Variants in ABCA9 observed in about 807,000 individuals in gnomAD.
ABCA9 encodes ATP-binding cassette sub-family A member 9.
A neutral mutation model predicts 205.3 loss-of-function variants in ABCA9; 183 were observed. The observed-to-expected ratio is 0.89, with a 90% CI of 0.79 to 1.01. The LOEUF (loss-of-function observed/expected upper bound fraction) is 1.01, where lower values mean the gene tolerates loss of function less well. ABCA9 is among the 50% of genes least tolerant of loss of function. The probability of loss-of-function intolerance (pLI) is 0.00; values close to 1 mark genes in which losing one functional copy is unlikely to be tolerated. For missense variants in ABCA9, 1,805 were observed against 1,912.4 expected (o/e 0.94, Z 1.05); for synonymous variants, 651 against 683.3 (o/e 0.95, Z 0.74).
At chr17:69,008,012 T>C (rs200619420) in intron 24 of ABCA9, 50 bp downstream of exon 24, 26 of 1,529,114 alleles carry the variant, frequency 1.7e-5, no homozygotes, top group Non-Finnish European at 2.2e-5. Flanking sequence ...TATTACTGCA[T>C]TCATGAAAAA....
chr17:68,987,777 T>TA (rs2069291845), intron 31 of ABCA9, among the ~76,000 whole-genome samples: 1 of 148,308 alleles, frequency 6.7e-6, no homozygotes, highest in Non-Finnish European at 1.5e-5. Flanking sequence ...TTTTTTTGTT[T>TA]GAGATGGAGT....
chr17:68,987,754 GTTTGTTTGTTTGTTTT>G (rs1258414819), intron 31 of ABCA9, among the ~76,000 whole-genome samples: 1 of 85,338 alleles, frequency 1.2e-5, no homozygotes, highest in Non-Finnish European at 3.3e-5. Flanking sequence ...TTGTTTGTTT[GTTTGTTTGTTTGTTTT>G]TTTGTTTGAG....
chr17:69,034,850 C>A (rs1459738165), intron 8 of ABCA9: 1 of 153,252 alleles, frequency 6.5e-6, no homozygotes, highest in Admixed American at 6.5e-5. Flanking sequence ...GATATCATAA[C>A]TAAAATTAAC....
At chr17:68,982,692 C>T in intron 36 of ABCA9, 51 bp from the exon 37 acceptor site, 1 of 1,419,006 alleles carries the variant, frequency 7.0e-7, no homozygotes, top group South Asian at 1.1e-5. Flanking sequence ...GGTTGAAACC[C>T]CGATGGGTAC....
In ABCA9 at chr17:69,027,395, G is replaced by C. The variant is rs751794246; in HGVS notation, c.1846C>G (p.Gln616Glu). ...CTATTTTGTCCACCACTTAAGTTTT[G>C]AGCAAGGATGTCTTGAATATTTTCC... ...EMENIQDILAQNLSGGQNRKL... is the reference protein window; with the variant it reads ...EMENIQDILAENLSGGQNRKL... Residue 616 changes from glutamine to glutamate, a missense_variant, in exon 14 of 39, where the codon CAA becomes GAA. Coordinates refer to ENST00000340001, the MANE Select transcript of ABCA9 (RefSeq NM_080283.4). The C allele has an allele frequency of 6.2e-6, 10 of 1,612,958 alleles. No homozygotes were observed. Among genetic ancestry groups the C allele is most frequent in the Non-Finnish European group, 8.5e-6 (10 of 1,179,516 alleles).
intron 25 of ABCA9, 70 bp downstream of exon 25, chr17:69,007,689 G>T: frequency 9.7e-7 from 1 of 1,026,512 alleles, no homozygotes; most frequent in Non-Finnish European, 1.5e-6. Flanking sequence ...ACTCTGCTTA[G>T]CACAAAGATT....
At chr17:68,978,333 C>A (rs1414550703) in intron 37 of ABCA9, among the ~76,000 whole-genome samples, 1 of 152,104 alleles carries the variant, frequency 6.6e-6, no homozygotes, top group African/African-American at 2.4e-5. Context: ...AGATCTTCCT[C>A]CATCCCTTTA....
chr17:68,986,134 C>A (rs935274413), intron 32 of ABCA9, 30 bp downstream of exon 32: 10 of 1,572,654 alleles, frequency 6.4e-6, no homozygotes, highest in Non-Finnish European at 8.6e-6. Context: ...TCCCCTCCAG[C>A]AAAGGGGAGT....
intron 10 of ABCA9, among the ~76,000 whole-genome samples, chr17:69,031,468 G>C (rs989108023): frequency 1.1e-4 from 16 of 152,354 alleles, no homozygotes; most frequent in African/African-American, 3.8e-4. Flanking sequence ...TTACTGAGGA[G>C]TGAGATGAAT....
chr17:69,025,013 T>TA (rs2070934535), intron 16 of ABCA9, among the ~76,000 whole-genome samples: 3 of 152,000 alleles, frequency 2.0e-5, no homozygotes. Flanking sequence ...GATACAAACC[T>TA]AAAAAATCAG....
rs571626465 is a variant in ABCA9 at position 69,009,779 on chromosome 17, C to T, written c.3148-1544G>A. On this transcript the variant is annotated intron_variant, in intron 23 of 38. Coordinates refer to ENST00000340001, the MANE Select transcript of ABCA9 (RefSeq NM_080283.4). ...TGGAGGAAAACTTTCTAGAAAGATT[C>T]CATAAATATTTCAGAAGTATATTCC... 7.2e-5 allele frequency among the ~76,000 whole-genome samples: 11 copies of T among 152,132 alleles called. No homozygotes were observed. The South Asian group carries it at 2.1e-3, about 29-fold the overall frequency.
chr17:69,009,238 G>A (rs1259894607), intron 23 of ABCA9, among the ~76,000 whole-genome samples: 1 of 152,134 alleles, frequency 6.6e-6, no homozygotes, highest in Non-Finnish European at 1.5e-5. Flanking sequence ...AAGAATTCAG[G>A]GTTGTATTAC....
Position 69,003,002 on chromosome 17 carries a change from T to C in ABCA9, c.3435+4757A>G, listed in dbSNP as rs529164812. On this transcript the variant is annotated intron_variant, in intron 25 of 38. Coordinates refer to ENST00000340001, the MANE Select transcript of ABCA9 (RefSeq NM_080283.4). Reference sequence around the variant, plus strand: ...TTCCTCCATCCTTTTATTTTGAGCCTATGTGGGTCTCTGCATGTGAGATAG... The same window carrying C: ...TTCCTCCATCCTTTTATTTTGAGCCCATGTGGGTCTCTGCATGTGAGATAG... Among the ~76,000 whole-genome samples, 356 of 147,400 alleles carry C rather than the reference T, an allele frequency of 2.4e-3. 7 individuals are homozygous for C. The highest frequency in any genetic ancestry group is 5.8e-4 in the Non-Finnish European group (39 of 67,390).
intron 6 of ABCA9, among the ~76,000 whole-genome samples, chr17:69,037,107 A>G (rs2071369459): frequency 6.6e-6 from 1 of 152,066 alleles, no homozygotes; most frequent in African/African-American, 2.4e-5. Flanking sequence ...CTCTGACACA[A>G]TAATAATGGG....
chr17:69,062,295 T>C (rs564288512), upstream of ABCA9, among the ~76,000 whole-genome samples: 1 of 152,216 alleles, frequency 6.6e-6, no homozygotes, highest in South Asian at 2.1e-4. Flanking sequence ...TAGGAAATTT[T>C]TTTTCAGTAA....
At chr17:69,035,220 A>G (rs745503506) in intron 8 of ABCA9, 26 bp downstream of exon 8, 3 of 1,485,208 alleles carry the variant, frequency 2.0e-6, no homozygotes, top group Non-Finnish European at 2.7e-6. Flanking sequence ...GTTTGTAAAA[A>G]GTGAAAGTGT....
intron 2 of ABCA9, 108 bp downstream of exon 2, chr17:69,050,923 G>A: frequency 2.2e-6 from 2 of 910,804 alleles, no homozygotes; most frequent in Non-Finnish European, 3.1e-6. Context: ...TTGTTAATTA[G>A]ACTACACATA....
upstream of ABCA9, among the ~76,000 whole-genome samples, chr17:69,065,607 T>G (rs2072338893): frequency 6.6e-6 from 1 of 152,208 alleles, no homozygotes. Flanking sequence ...TACCTCTCTT[T>G]GCTCTCCTGT....
Position 69,027,680 on chromosome 17 carries a change from G to T in ABCA9, c.1751C>A (p.Ala584Asp). The change falls in exon 13 of 39, where the codon GCT becomes GAT. Residue 584 changes from alanine (A) to aspartate (D), a missense_variant. Physicochemically the swap from Ala to Asp is moderately radical, Grantham distance 126 (BLOSUM62 -2). Transcript: ENST00000340001. ...ATGTGGCAAAATCCCTTTTATTTTA[G>T]CAAACAGCCTGAGGTTTTCTTTCAC... ...LTVKENLRLF[A>D]KIKGILPHEV... 3.1e-6 allele frequency: 5 copies of T among 1,613,290 alleles called. No homozygotes were observed. Among genetic ancestry groups the T allele is most frequent in the Non-Finnish European group, 4.2e-6 (5 of 1,179,824 alleles).
Sources: gnomAD v4.1 joint callset for allele counts (sites outside exome capture counted in the v4.1 genomes callset) on GRCh38, gnomAD v4.1.1 for gene constraint, MANE v1.5 for transcripts, NCBI Gene and HGNC (gene_info 2026-07-23, HGNC 2026-07-21) for gene names.